UNC80: variants seen among roughly 807,000 people sequenced by gnomAD.
UNC80 encodes the protein unc-80 subunit of NALCN channel complex.
A neutral mutation model predicts 384.6 loss-of-function variants in UNC80; 164 were observed. That is an observed-to-expected ratio of 0.43 (90% confidence interval 0.38 to 0.49). UNC80 has a LOEUF of 0.49. Among genes scored for constraint, UNC80 ranks in the 20% least tolerant of loss-of-function variants. The pLI, the probability that UNC80 is intolerant of heterozygous loss-of-function variation, is 0.00. For synonymous variants in UNC80, 1,486 were observed against 1,527.8 expected, an observed-to-expected ratio of 0.97 and a Z score of 0.64; for missense variants, 3,330 against 4,143.0, an observed-to-expected ratio of 0.80 and a Z score of 5.39.
chr2:209,961,699 A>T (rs1205743336), intron 51 of UNC80, among the ~76,000 whole-genome samples: 4 of 152,344 alleles, frequency 2.6e-5, no homozygotes, highest in African/African-American at 9.6e-5. Flanking sequence ...TAAATAAGTT[A>T]AAAACAAAAC....
chr2:209,834,196 A>G (rs2081188157), intron 17 of UNC80, 28 bp downstream of exon 17: 1 of 1,549,220 alleles, frequency 6.5e-7, no homozygotes, highest in African/African-American at 1.4e-5. Context: ...TCTGAATATT[A>G]CTGTTTGCCT....
In UNC80 at chr2:209,883,105, G is replaced by C. The variant is rs2085444699; in HGVS notation, c.4110+2011G>C. On this transcript the variant is annotated intron_variant, in intron 25 of 64. Coordinates refer to ENST00000673920, the MANE Select transcript of UNC80 (RefSeq NM_001371986.1). ...GCCTTTATAACATAAAGAGGGAAAG[G>C]ACCTTTTTCTCACATTTCAGCTATC... Among the ~76,000 whole-genome samples, 5 of 152,228 alleles carry C rather than the reference G, an allele frequency of 3.3e-5. No individual in the cohort carries two copies. In the South Asian group the frequency reaches 1.0e-3, roughly 32 times the overall value.
At chr2:209,830,761 C>T (rs760142207) in intron 15 of UNC80, among the ~76,000 whole-genome samples, 12 of 152,300 alleles carry the variant, frequency 7.9e-5, no homozygotes, top group Admixed American at 3.3e-4. Flanking sequence ...TAAAATGCCA[C>T]GGAGGTCGAA....
intron 28 of UNC80, among the ~76,000 whole-genome samples, chr2:209,898,151 T>G (rs1486286753): frequency 1.3e-5 from 2 of 152,134 alleles, no homozygotes; most frequent in African/African-American, 4.8e-5. Flanking sequence ...CAATTTTGTC[T>G]TTTAAAAGAC....
At chr2:209,981,049 G>A (rs555379868) in intron 59 of UNC80, among the ~76,000 whole-genome samples, 39 of 152,180 alleles carry the variant, frequency 2.6e-4, no homozygotes, top group African/African-American at 7.7e-4. Context: ...TTGCTAGCAC[G>A]TTTTATATTC....
intron 7 of UNC80, among the ~76,000 whole-genome samples, chr2:209,813,244 G>C (rs1426509462): frequency 6.6e-6 from 1 of 152,000 alleles, no homozygotes; most frequent in Non-Finnish European, 1.5e-5. Flanking sequence ...AATTACTTAG[G>C]GTCTCCCCTT....
At chr2:209,860,959 G>T (rs1049501576) in intron 22 of UNC80, among the ~76,000 whole-genome samples, 21 of 152,174 alleles carry the variant, frequency 1.4e-4, no homozygotes, top group African/African-American at 4.8e-4. Context: ...CTGAGTTGAT[G>T]GTGTTTTCTA....
At chr2:209,958,027 G>A (rs560952914) in intron 49 of UNC80, among the ~76,000 whole-genome samples, 1 of 152,108 alleles carries the variant, frequency 6.6e-6, no homozygotes, top group Admixed American at 6.6e-5. Context: ...TTCCAGTGTT[G>A]TTTCATTTAC....
chr2:209,990,981 CTG>C (rs1195682363), intron 61 of UNC80, among the ~76,000 whole-genome samples: 1 of 152,166 alleles, frequency 6.6e-6, no homozygotes, highest in African/African-American at 2.4e-5. Flanking sequence ...ACAAATGTGA[CTG>C]TGTCAACTTT....
At position 209,999,051 on chromosome 2, in the gene UNC80, T is replaced by C. The variant is rs545535582; in HGVS notation, c.*3456T>C. ...AATTTACCTCCATAAATCTTTGAAT[T>C]GTCACTGTGACCACAGGATGAAAAT... On this transcript the variant is annotated 3_prime_UTR_variant, in exon 65 of 65. Transcript: ENST00000673920. 9.2e-5 allele frequency: 14 copies of C among 152,334 alleles called. No individual in the cohort carries two copies. The highest frequency in any genetic ancestry group is 3.9e-4 in the Admixed American group (6 of 15,298). The allele number at this position is 152,334 out of a possible 1,614,324, so 9.4% of individuals were successfully genotyped here.
chr2:209,978,126 C>G (rs549530643), intron 58 of UNC80, among the ~76,000 whole-genome samples: 25 of 152,240 alleles, frequency 1.6e-4, no homozygotes, highest in African/African-American at 6.0e-4. Context: ...TCACATCAGA[C>G]AACTTATTTA....
intron 53 of UNC80, chr2:209,970,445 G>A: frequency 5.2e-6 from 1 of 192,278 alleles, no homozygotes; most frequent in South Asian, 1.1e-4. Context: ...CAATAAGTCT[G>A]TAGTTGGAAT....
chr2:209,929,200 T>A (rs181804864), intron 36 of UNC80, among the ~76,000 whole-genome samples: 5 of 152,338 alleles, frequency 3.3e-5, no homozygotes, highest in African/African-American at 1.2e-4. Flanking sequence ...GGGAAACACG[T>A]TGAAACTAAA....
intron 31 of UNC80, among the ~76,000 whole-genome samples, chr2:209,917,162 C>T (rs902246817): frequency 4.6e-5 from 7 of 152,150 alleles, no homozygotes; most frequent in Non-Finnish European, 8.8e-5. Context: ...CCACTGGCTC[C>T]TCTATCTGTG....
chr2:209,907,179 T>TG (rs1316207048), intron 29 of UNC80, among the ~76,000 whole-genome samples: 1 of 151,950 alleles, frequency 6.6e-6, no homozygotes, highest in Non-Finnish European at 1.5e-5. Context: ...TCATTCTTCT[T>TG]TCAATTATCC....
In UNC80 at chr2:209,889,106, C is replaced by T. The variant is rs1338200816; in HGVS notation, c.4276+846C>T. On this transcript the variant is annotated intron_variant, in intron 26 of 64. Transcript: ENST00000673920. ...TTGCTAAATGCACATTAAACAAGTT[C>T]CCTAACCATGGAATAGACCAGATAT... 2.6e-5 allele frequency among the ~76,000 whole-genome samples: 4 copies of T among 152,112 alleles called. No homozygotes were observed. The South Asian group carries it at 8.3e-4, about 31-fold the overall frequency.
intron 22 of UNC80, among the ~76,000 whole-genome samples, chr2:209,860,680 G>A (rs1242801803): frequency 6.6e-6 from 1 of 152,152 alleles, no homozygotes; most frequent in African/African-American, 2.4e-5. Flanking sequence ...TTATCCATGA[G>A]GATAGAATGT....
intron 22 of UNC80, among the ~76,000 whole-genome samples, chr2:209,871,897 TCTC>T (rs1028914196): frequency 3.3e-5 from 5 of 151,870 alleles, no homozygotes; most frequent in Admixed American, 1.3e-4. Flanking sequence ...TATCAATTAA[TCTC>T]CTCTTTATCA....
intron 7 of UNC80, among the ~76,000 whole-genome samples, chr2:209,811,422 A>T (rs2079339638): frequency 6.6e-6 from 1 of 152,182 alleles, no homozygotes; most frequent in Non-Finnish European, 1.5e-5. Flanking sequence ...AAGAGGAAAA[A>T]CTAGTAGATT....
Sources: allele counts gnomAD v4.1 joint callset (sites outside exome capture counted in the v4.1 genomes callset), GRCh38; gene constraint gnomAD v4.1.1; transcripts MANE v1.5; gene names NCBI Gene and HGNC (gene_info 2026-07-23, HGNC 2026-07-21).